The following DNAH2 variants were observed in gnomAD, a reference collection of about 807,000 sequenced individuals.
The protein encoded by DNAH2 is axonemal beta dynein heavy chain 2.
In DNAH2, 323 loss-of-function variants were observed where a neutral mutation model predicts 523.5. The observed-to-expected ratio is 0.62, with a 90% CI of 0.56 to 0.68. DNAH2 has a LOEUF of 0.68. DNAH2 is among the 30% of genes least tolerant of loss of function. DNAH2 has a pLI of 0.00. For synonymous variants in DNAH2, 2,093 were observed against 2,177.4 expected, an observed-to-expected ratio of 0.96 and a Z score of 1.08; for missense variants, 4,907 against 5,701.5, an observed-to-expected ratio of 0.86 and a Z score of 4.49.
intron 24 of DNAH2, among the ~76,000 whole-genome samples, chr17:7,768,783 G>A (rs1484196088): frequency 1.3e-5 from 2 of 152,206 alleles, no homozygotes; most frequent in Non-Finnish European, 2.9e-5. Context: ...TGACATATGA[G>A]TGCGATCATG....
intron 1 of DNAH2, 89 bp from the exon 2 acceptor site, chr17:7,719,632 T>G: frequency 6.6e-7 from 1 of 1,507,878 alleles, no homozygotes; most frequent in South Asian, 1.1e-5. Flanking sequence ...TTTCAGTCAA[T>G]TTATGAATTC....
chr17:7,833,410 C>T lies in DNAH2; in HGVS notation c.13161C>T (p.Pro4387=). Residue 4387 remains proline (P), a synonymous_variant, in exon 86 of 86, where the codon CCC becomes CCT. Transcript: ENST00000572933. The part of the protein sequence containing the change: ...GMYSCPCYYY[P]NRAGSSDRAS... ...ACTCCTGCCCCTGCTATTACTATCC[C>T]AACCGGGCAGGCAGCTCAGACCGAG... The T allele has an allele frequency of 6.2e-7, 1 of 1,614,198 alleles. No individual in the cohort carries two copies. Among genetic ancestry groups the T allele is most frequent in the Non-Finnish European group, 8.5e-7 (1 of 1,180,034 alleles).
At position 7,754,414 on chromosome 17, in the gene DNAH2, C is replaced by T; in HGVS notation, c.1905-2677C>T. On this transcript the variant is annotated intron_variant, in intron 12 of 85. Transcript: ENST00000572933. This position sits in a 1 kb window ranked among gnomAD's most constrained non-coding sequence, Gnocchi z 4.6. ...CAGACATGGCCAAGTCCACACCATA[C>T]ACCACCAGTCCCGAAAATGGCACAG... 4 of 642,496 alleles carry T rather than the reference C, an allele frequency of 6.2e-6. No individual in the cohort carries two copies. The highest frequency in any genetic ancestry group is 1.1e-5 in the Non-Finnish European group (4 of 360,806). 39.8% of individuals were successfully genotyped at this position (642,496 alleles called of 1,614,324 possible).
chr17:7,832,158 T>G lies in DNAH2; in HGVS notation c.12726+383T>G, dbSNP rs561472604. On this transcript the variant is annotated intron_variant, in intron 82 of 85. Coordinates refer to ENST00000572933, the MANE Select transcript of DNAH2 (RefSeq NM_020877.5). This position sits in a 1 kb window ranked among gnomAD's most constrained non-coding sequence, Gnocchi z 4.3. ...TTTGGAGAGCTTTGTTCACCTGTAG[T>G]TGGGGAACAGGGGCTGCCACCACAT... Among the ~76,000 whole-genome samples, 5 of 152,272 alleles carry G rather than the reference T, an allele frequency of 3.3e-5. No individual in the cohort carries two copies. Among genetic ancestry groups the G allele is most frequent in the Non-Finnish European group, 5.9e-5 (4 of 68,024 alleles).
intron 73 of DNAH2, among the ~76,000 whole-genome samples, chr17:7,822,933 A>G (rs2077899999): frequency 6.6e-6 from 1 of 152,186 alleles, no homozygotes; most frequent in Non-Finnish European, 1.5e-5. Context: ...GGCTAAGGGC[A>G]GGGTCTGAGT....
intron 44 of DNAH2, 88 bp from the exon 45 acceptor site, chr17:7,791,829 G>A: frequency 7.5e-7 from 1 of 1,330,640 alleles, no homozygotes; most frequent in Non-Finnish European, 1.0e-6. Context: ...GAAGACCCAG[G>A]CTTTCCACAC....
At chr17:7,796,226 T>G (rs2077059533) in intron 49 of DNAH2, among the ~76,000 whole-genome samples, 1 of 151,980 alleles carries the variant, frequency 6.6e-6, no homozygotes, top group South Asian at 2.1e-4. Flanking sequence ...TTTTATATTT[T>G]TTAGTAAAGA....
intron 4 of DNAH2, among the ~76,000 whole-genome samples, chr17:7,730,208 A>C (rs2074944548): frequency 6.6e-6 from 1 of 152,150 alleles, no homozygotes; most frequent in African/African-American, 2.4e-5. Context: ...GATTTTAGGA[A>C]ATGAATAAAG....
intron 49 of DNAH2, 36 bp from the exon 50 acceptor site, chr17:7,796,428 A>G (rs2077064814): frequency 1.2e-6 from 2 of 1,607,066 alleles, no homozygotes; most frequent in African/African-American, 2.7e-5. Context: ...CTAGAAGGCC[A>G]GCAGCCCTGG....
intron 3 of DNAH2, among the ~76,000 whole-genome samples, chr17:7,726,671 C>T (rs948641985): frequency 1.3e-5 from 2 of 151,986 alleles, no homozygotes; most frequent in African/African-American, 4.8e-5. Flanking sequence ...TGACTTTTAC[C>T]TAGTATTTTA....
At chr17:7,796,675 C>T in intron 50 of DNAH2, 23 bp downstream of exon 50, 4 of 1,600,552 alleles carry the variant, frequency 2.5e-6, no homozygotes, top group Non-Finnish European at 3.4e-6. Flanking sequence ...CTGACCTTGC[C>T]CCTTCTGCTT....
intron 77 of DNAH2, among the ~76,000 whole-genome samples, chr17:7,826,673 G>A (rs2078030436): frequency 6.6e-6 from 1 of 151,294 alleles, no homozygotes; most frequent in Non-Finnish European, 1.5e-5. Flanking sequence ...CGAGTAGCTG[G>A]GATTACAGGT....
In DNAH2 at chr17:7,748,363, TC is replaced by T. The variant is rs529542973; in HGVS notation, c.1904+5227del. On this transcript the variant is annotated intron_variant, in intron 12 of 85. Coordinates refer to ENST00000572933, the MANE Select transcript of DNAH2 (RefSeq NM_020877.5). ...TTTTCCCCGGTCACAGAGTGCCTTT[TC>T]CCCCCGGGTCAGCCCGCTCTGGGCT... Among the ~76,000 whole-genome samples, 871 of 152,282 alleles carry T rather than the reference TC, an allele frequency of 5.7e-3. 4 individuals carry two copies. The highest frequency in any genetic ancestry group is 0.031 in the Middle Eastern group (9 of 294).
At chr17:7,771,186 C>T in intron 27 of DNAH2, 144 bp from the exon 28 acceptor site, 1 of 1,292,952 alleles carries the variant, frequency 7.7e-7, no homozygotes, top group South Asian at 1.4e-5. Flanking sequence ...CTCCAGCTTT[C>T]CTTGTAGAAC....
In DNAH2 at chr17:7,824,744, A is replaced by G; in HGVS notation, c.11853+17A>G. 6 of 1,498,356 alleles carry G rather than the reference A, an allele frequency of 4.0e-6. No individual in the cohort carries two copies. Among genetic ancestry groups the G allele is most frequent in the Non-Finnish European group, 4.5e-6 (5 of 1,109,372 alleles). The allele number at this position is 1,498,356 out of a possible 1,614,324, so 92.8% of individuals were successfully genotyped here. ...CCACCAAAGGTATGTGGCCATAGAG[A>G]ACCAGCATCATCAGGGCCATCTGGT... On this transcript the variant is annotated intron_variant, in intron 77 of 85. Coordinates refer to ENST00000572933, the MANE Select transcript of DNAH2 (RefSeq NM_020877.5).
chr17:7,794,198 G>A lies in DNAH2; in HGVS notation c.7570-56G>A, dbSNP rs1214657386. On this transcript the variant is annotated intron_variant, in intron 48 of 85. Transcript: ENST00000572933. ...TCCTTTTCACCTGGCCTGTGTCGGC[G>A]CCTCTCTTGCCCTCTCCCCTCCTGC... 25 of 1,322,580 alleles carry A rather than the reference G, an allele frequency of 1.9e-5. No individual in the cohort carries two copies. The South Asian group carries it at 2.7e-4, about 14-fold the overall frequency. 81.9% of individuals were successfully genotyped at this position (1,322,580 alleles called of 1,614,324 possible). A position where few individuals can be genotyped will look rare whatever the true frequency, so the allele number is the denominator to read the frequency against.
At chr17:7,719,317 C>CG (rs1025593461) in intron 1 of DNAH2, among the ~76,000 whole-genome samples, 7 of 151,980 alleles carry the variant, frequency 4.6e-5, no homozygotes, top group Admixed American at 2.0e-4. Flanking sequence ...TTAGTAGAGA[C>CG]GGGGTTTTGC....
In DNAH2 at chr17:7,768,222, C is replaced by T. The variant is rs1216796185; in HGVS notation, c.3896C>T (p.Thr1299Ile). ...TRSKIEQFKR[T>I]MPLISDLRNP... ...TCAAAAATAGAGCAGTTCAAGAGGA[C>T]CATGCCTCTCATCTCAGACCTGCGG... Residue 1299 changes from threonine (T) to isoleucine (I), a missense_variant, in exon 24 of 86, where the codon ACC (threonine) becomes ATC (isoleucine). Physicochemically the swap from Thr to Ile is moderately conservative, Grantham distance 89. This residue lies in a region of DNAH2 where 2,806 missense variants were observed against 3,190.8 expected (regional missense o/e 0.88). Coordinates refer to ENST00000572933, the MANE Select transcript of DNAH2 (RefSeq NM_020877.5). 6 of 1,614,034 alleles carry T rather than the reference C, an allele frequency of 3.7e-6. No homozygotes were observed. Among genetic ancestry groups the T allele is most frequent in the Non-Finnish European group, 5.1e-6 (6 of 1,180,026 alleles).
intron 11 of DNAH2, among the ~76,000 whole-genome samples, chr17:7,742,187 T>C (rs918386179): frequency 6.6e-6 from 1 of 151,700 alleles, no homozygotes; most frequent in African/African-American, 2.4e-5. Flanking sequence ...CCCAGCACTT[T>C]GGGAGGCCAA....
Sources: gnomAD v4.1 joint callset for allele counts (sites outside exome capture counted in the v4.1 genomes callset) on GRCh38, gnomAD v4.1.1 for gene constraint, gnomAD v4.1.1 regional missense constraint, Gnocchi (gnomAD v3.1) non-coding constraint, MANE v1.5 for transcripts, NCBI Gene and HGNC (gene_info 2026-07-23, HGNC 2026-07-21) for gene names.